The following USH2A variants were observed in gnomAD, a reference collection of about 807,000 sequenced individuals.
USH2A encodes Usher syndrome 2A (autosomal recessive, mild).
In USH2A, 443 loss-of-function variants were observed where a neutral mutation model predicts 538.9. That is an observed-to-expected ratio of 0.82 (90% CI 0.76 to 0.89). The LOEUF (loss-of-function observed/expected upper bound fraction) is 0.89. USH2A is among the 40% of genes least tolerant of loss of function. The pLI, the probability that USH2A is intolerant of heterozygous loss-of-function variation, is 0.00. For synonymous variants in USH2A, 2,413 were observed against 2,273.5 expected (o/e 1.06, Z -1.75); for missense variants, 6,633 against 6,324.8 (o/e 1.05, Z -1.65).
At chr1:216,397,104 A>T (rs1188617141) in intron 3 of USH2A, among the ~76,000 whole-genome samples, 1 of 152,244 alleles carries the variant, frequency 6.6e-6, no homozygotes, top group South Asian at 2.1e-4. Flanking sequence ...ATCACAGGCA[A>T]TAAAGTATGT....
At chr1:215,807,466 C>A (rs977290445) in intron 49 of USH2A, among the ~76,000 whole-genome samples, 2 of 152,098 alleles carry the variant, frequency 1.3e-5, no homozygotes, top group Non-Finnish European at 2.9e-5. Context: ...AAAATTGATT[C>A]CCTCTATTTG....
intron 11 of USH2A, among the ~76,000 whole-genome samples, chr1:216,276,622 A>G (rs2036675201): frequency 6.6e-6 from 1 of 152,088 alleles, no homozygotes; most frequent in Non-Finnish European, 1.5e-5. Context: ...CATACCTGAG[A>G]CTGGGCAATT....
intron 38 of USH2A, among the ~76,000 whole-genome samples, chr1:215,930,870 A>AT (rs1218905497): frequency 8.6e-5 from 13 of 151,820 alleles, no homozygotes; most frequent in Non-Finnish European, 1.5e-4. Context: ...ATTCGTTTTT[A>AT]TTTTTTTAAT....
intron 50 of USH2A, among the ~76,000 whole-genome samples, chr1:215,796,344 G>T (rs538695278): frequency 1.3e-5 from 2 of 151,864 alleles, no homozygotes; most frequent in African/African-American, 4.8e-5. Context: ...GCACGTGTTC[G>T]CTTCGTGTCT....
intron 47 of USH2A, among the ~76,000 whole-genome samples, chr1:215,831,184 C>T (rs1327854853): frequency 1.3e-5 from 2 of 152,072 alleles, no homozygotes; most frequent in Non-Finnish European, 2.9e-5. Context: ...AACATGTATG[C>T]ACTTAATAAT....
intron 8 of USH2A, among the ~76,000 whole-genome samples, chr1:216,323,255 T>A (rs1435061075): frequency 2.1e-5 from 3 of 141,808 alleles, no homozygotes; most frequent in Non-Finnish European, 3.0e-5. Flanking sequence ...AATATATATA[T>A]ATTTATTTAT....
At position 215,817,242 on chromosome 1, in the gene USH2A, C is replaced by A; in HGVS notation, c.9372-47G>T. The A allele has an allele frequency of 2.5e-6, 4 of 1,579,426 alleles. No homozygotes were observed. The South Asian group carries it at 4.4e-5, about 18-fold the overall frequency. ...ATACTTCTGAAAAGACACTATTTAA[C>A]ATTGATGCTATCAGTCTTAAGTAAA... On this transcript the variant is annotated intron_variant, in intron 47 of 71. Transcript: ENST00000307340.
intron 67 of USH2A, among the ~76,000 whole-genome samples, chr1:215,646,351 G>A (rs1656852106): frequency 6.6e-6 from 1 of 151,766 alleles, no homozygotes; most frequent in Admixed American, 6.6e-5. Context: ...AGTTGGTTCT[G>A]ATAAGCACTT....
At chr1:215,909,506 G>A (rs529076888) in intron 38 of USH2A, among the ~76,000 whole-genome samples, 1 of 152,080 alleles carries the variant, frequency 6.6e-6, no homozygotes, top group East Asian at 1.9e-4. Flanking sequence ...TAATGGGTAA[G>A]GGTATACACG....
At chr1:216,328,516 AT>A in intron 4 of USH2A, among the ~76,000 whole-genome samples, 1 of 152,266 alleles carries the variant, frequency 6.6e-6, no homozygotes, top group South Asian at 2.1e-4. Context: ...TTCTAAAAAA[AT>A]AAAATTGGAG....
At chr1:216,232,631 T>G (rs2035723357) in intron 13 of USH2A, among the ~76,000 whole-genome samples, 1 of 152,186 alleles carries the variant, frequency 6.6e-6, no homozygotes, top group Non-Finnish European at 1.5e-5. Context: ...AATTCTGTAT[T>G]TTACTAAAAC....
intron 43 of USH2A, among the ~76,000 whole-genome samples, chr1:215,870,727 C>T (rs1393009068): frequency 6.6e-6 from 1 of 152,052 alleles, no homozygotes; most frequent in African/African-American, 2.4e-5. Flanking sequence ...TCACATTTCA[C>T]CACTTCATAT....
In USH2A at chr1:216,367,392, G is replaced by A. The variant is rs558621697; in HGVS notation, c.652-2307C>T. 3.3e-5 allele frequency among the ~76,000 whole-genome samples: 5 copies of A among 152,238 alleles called. No individual in the cohort carries two copies. The East Asian group carries it at 7.7e-4, about 24-fold the overall frequency. On this transcript the variant is annotated intron_variant, in intron 3 of 71. Transcript: ENST00000307340. ...TTTCTTTATAGCAGGTAACACTCCCGTGACACTTCTGTCATATCATTCAAA... is the reference window on the plus strand; with the variant it reads ...TTTCTTTATAGCAGGTAACACTCCCATGACACTTCTGTCATATCATTCAAA...
chr1:215,925,539 G>T (rs1453821711), intron 38 of USH2A, among the ~76,000 whole-genome samples: 1 of 152,140 alleles, frequency 6.6e-6, no homozygotes, highest in Non-Finnish European at 1.5e-5. Context: ...ATCTGTTTAT[G>T]TGGTAGAATG....
intron 30 of USH2A, among the ~76,000 whole-genome samples, chr1:216,053,619 C>T (rs1419823124): frequency 6.6e-6 from 1 of 152,090 alleles, no homozygotes; most frequent in Non-Finnish European, 1.5e-5. Flanking sequence ...GCTGAAGAAA[C>T]ATTCAATAAG....
intron 62 of USH2A, 131 bp from the exon 63 acceptor site, chr1:215,675,747 T>C: frequency 1.3e-6 from 2 of 1,526,904 alleles, no homozygotes; most frequent in Non-Finnish European, 1.8e-6. Flanking sequence ...AGTATTCTGA[T>C]ATTAATTGGG....
chr1:216,073,127 C>T lies in USH2A; in HGVS notation c.5746G>A (p.Val1916Ile), dbSNP rs1371218025. 7.4e-6 allele frequency: 12 copies of T among 1,613,872 alleles called. No individual in the cohort carries two copies. The highest frequency in any genetic ancestry group is 1.3e-5 in the African/African-American group (1 of 75,024). The change falls in exon 28 of 72, where the codon GTT becomes ATT. Residue 1916 changes from valine to isoleucine, a missense_variant. Val to Ile is a conservative substitution (Grantham distance 29). Transcript: ENST00000307340. ...ILVYQGKEQS[V>I]YEGGLQPFTE... ...AAAGGCTGGAGACCACCCTCGTAAA[C>T]ACTCTGCTCTTTTCCCTGGTAAACC... is the stretch of plus-strand genomic sequence containing the variant.
At chr1:215,881,365 C>A (rs1664903686) in intron 41 of USH2A, among the ~76,000 whole-genome samples, 1 of 152,148 alleles carries the variant, frequency 6.6e-6, no homozygotes, top group Non-Finnish European at 1.5e-5. Flanking sequence ...GTCTCGAACT[C>A]CTGACCTCAG....
intron 15 of USH2A, among the ~76,000 whole-genome samples, chr1:216,214,529 T>C (rs2035306610): frequency 6.6e-6 from 1 of 151,942 alleles, no homozygotes; most frequent in Non-Finnish European, 1.5e-5. Context: ...TATAACTAGT[T>C]GTTTGGGGCT....
Sources: gnomAD v4.1 joint callset for allele counts (sites outside exome capture counted in the v4.1 genomes callset) on GRCh38, gnomAD v4.1.1 for gene constraint, MANE v1.5 for transcripts, NCBI Gene and HGNC (gene_info 2026-07-23, HGNC 2026-07-21) for gene names.